The following SCN11A variants were observed in gnomAD, a reference collection of about 807,000 sequenced individuals.
SCN11A encodes the protein sodium voltage-gated channel alpha subunit 11.
In SCN11A, 122 loss-of-function variants were observed where a neutral mutation model predicts 162.2. The observed-to-expected ratio is 0.75, with a 90% confidence interval of 0.65 to 0.87. The LOEUF (loss-of-function observed/expected upper bound fraction) is 0.87. Among genes scored for constraint, SCN11A ranks in the 40% least tolerant of loss-of-function variants. The pLI is 0.00. For missense variants in SCN11A, 2,015 were observed against 2,181.6 expected (o/e 0.92, Z 1.52); for synonymous variants, 758 against 751.5 (o/e 1.01, Z -0.14).
chr3:38,935,884 C>T (rs1283327704), intron 7 of SCN11A, among the ~76,000 whole-genome samples: 2 of 152,196 alleles, frequency 1.3e-5, no homozygotes, highest in African/African-American at 4.8e-5. Flanking sequence ...CCAGCAGCAT[C>T]CTGATACCAA....
chr3:39,025,900 T>C (rs1224708732), intron 2 of SCN11A: 1 of 152,214 alleles, frequency 6.6e-6, no homozygotes, highest in Non-Finnish European at 1.5e-5. Context: ...GACAGTTCTA[T>C]TGCTATTATT....
chr3:39,035,002 T>C (rs2031867276), intron 1 of SCN11A, among the ~76,000 whole-genome samples: 1 of 152,164 alleles, frequency 6.6e-6, no homozygotes, highest in Non-Finnish European at 1.5e-5. Context: ...AGAATTAATA[T>C]TGTTAAAATG....
At chr3:38,869,034 C>T (rs2065084233) in intron 26 of SCN11A, among the ~76,000 whole-genome samples, 1 of 152,262 alleles carries the variant, frequency 6.6e-6, no homozygotes, top group East Asian at 1.9e-4. Flanking sequence ...GGGGAAAACG[C>T]TCACAGTTTC....
chr3:38,885,835 A>G (rs2065388755), intron 20 of SCN11A, among the ~76,000 whole-genome samples: 1 of 152,236 alleles, frequency 6.6e-6, no homozygotes. Flanking sequence ...GGCAATGTCT[A>G]GAGACATTTT....
intron 2 of SCN11A, among the ~76,000 whole-genome samples, chr3:38,996,920 G>C (rs956993337): frequency 6.6e-6 from 1 of 152,124 alleles, no homozygotes; most frequent in African/African-American, 2.4e-5. Context: ...CAGGATAAAT[G>C]TTAATTCTTC....
intron 11 of SCN11A, among the ~76,000 whole-genome samples, chr3:38,915,796 T>C (rs2065952035): frequency 6.6e-6 from 1 of 151,802 alleles, no homozygotes; most frequent in South Asian, 2.1e-4. Context: ...GGGTGGAGAG[T>C]TCTGTAGAGG....
intron 3 of SCN11A, among the ~76,000 whole-genome samples, 83 bp from the exon 4 acceptor site, chr3:38,953,842 G>A (rs1490374053): frequency 6.6e-6 from 1 of 152,184 alleles, no homozygotes; most frequent in East Asian, 1.9e-4. Flanking sequence ...CAGCGTGAAA[G>A]CAAAGAAATG....
intron 2 of SCN11A, among the ~76,000 whole-genome samples, chr3:38,968,460 A>G (rs2066796439): frequency 6.6e-6 from 1 of 152,230 alleles, no homozygotes; most frequent in Non-Finnish European, 1.5e-5. Flanking sequence ...ATGTTTTAAA[A>G]ATTAAATGAG....
chr3:38,996,160 AT>A (rs1273426216), intron 2 of SCN11A, among the ~76,000 whole-genome samples: 5 of 152,128 alleles, frequency 3.3e-5, no homozygotes, highest in South Asian at 4.2e-4. Flanking sequence ...TAAGAAATAA[AT>A]TTTTTTTTCA....
At position 38,933,420 on chromosome 3, in the gene SCN11A, T is replaced by G. The variant is rs562169360; in HGVS notation, c.489-6489A>C. ...AGAAGAAGGCTTCAGACGATCAAAC[T>G]ACTCCGAGCTACAGGAGGAAATTCA... On this transcript the variant is annotated intron_variant, in intron 7 of 29. Transcript: ENST00000302328. Among the ~76,000 whole-genome samples the G allele has an allele frequency of 8.0e-3, 1,223 of 152,252 alleles. 20 individuals carry two copies. The highest frequency in any genetic ancestry group is 0.028 in the African/African-American group (1,176 of 41,540).
At chr3:39,035,871 C>T (rs990056367) in intron 1 of SCN11A, among the ~76,000 whole-genome samples, 6 of 152,204 alleles carry the variant, frequency 3.9e-5, no homozygotes, top group African/African-American at 1.2e-4. Flanking sequence ...AATCTCCTGA[C>T]CTTGTGATCC....
chr3:38,897,984 C>G (rs764038375), intron 17 of SCN11A, among the ~76,000 whole-genome samples: 1 of 152,008 alleles, frequency 6.6e-6, no homozygotes, highest in African/African-American at 2.4e-5. Context: ...ATCTGTAATC[C>G]CAGCACTTTG....
chr3:38,924,354 G>A (rs1193499240), intron 9 of SCN11A, among the ~76,000 whole-genome samples: 1 of 151,708 alleles, frequency 6.6e-6, no homozygotes, highest in Admixed American at 6.6e-5. Context: ...TGAGATTAAA[G>A]GTACTCACCA....
intron 1 of SCN11A, among the ~76,000 whole-genome samples, chr3:39,037,817 C>T (rs1023938254): frequency 2.0e-5 from 3 of 151,662 alleles, no homozygotes; most frequent in East Asian, 1.9e-4. Flanking sequence ...GAATGGGAGC[C>T]GAAAATAAAG....
intron 7 of SCN11A, among the ~76,000 whole-genome samples, chr3:38,940,579 T>C (rs529669540): frequency 2.9e-4 from 44 of 152,326 alleles, no homozygotes; most frequent in Non-Finnish European, 5.7e-4. Flanking sequence ...ATTTAACAAA[T>C]GGTGTTGGGA....
At chr3:38,872,509 T>C (rs866306699) in intron 23 of SCN11A, among the ~76,000 whole-genome samples, 1 of 152,166 alleles carries the variant, frequency 6.6e-6, no homozygotes, top group Non-Finnish European at 1.5e-5. Context: ...GGGTGCTGAA[T>C]TGGATCCTGG....
intron 2 of SCN11A, among the ~76,000 whole-genome samples, chr3:39,025,442 T>C (rs2125608717): frequency 6.6e-6 from 1 of 152,352 alleles, no homozygotes; most frequent in East Asian, 1.9e-4. Flanking sequence ...GTTATAGTTA[T>C]TGTTACTTCT....
At chr3:38,909,379 G>A (rs961044339) in intron 12 of SCN11A, among the ~76,000 whole-genome samples, 185 bp from the exon 13 acceptor site, 1 of 152,028 alleles carries the variant, frequency 6.6e-6, no homozygotes, top group African/African-American at 2.4e-5. Context: ...ATCTCTCAGT[G>A]GGGAGATACT....
chr3:38,954,168 T>C (rs998836543), intron 3 of SCN11A, among the ~76,000 whole-genome samples: 1 of 152,242 alleles, frequency 6.6e-6, no homozygotes, highest in Admixed American at 6.5e-5. Context: ...GTCAAGCTCA[T>C]TATTGATAGG....
Sources: allele counts gnomAD v4.1 joint callset (sites outside exome capture counted in the v4.1 genomes callset), GRCh38; gene constraint gnomAD v4.1.1; transcripts MANE v1.5; gene names NCBI Gene and HGNC (gene_info 2026-07-23, HGNC 2026-07-21).